The following USPL1 variants were observed in gnomAD, a reference collection of about 807,000 sequenced individuals.
USPL1 encodes the protein SUMO-specific isopeptidase USPL1.
A neutral mutation model predicts 51.5 loss-of-function variants in USPL1; 27 were observed. That is an observed-to-expected ratio of 0.52 (90% CI 0.39 to 0.72). USPL1 has a LOEUF of 0.72. USPL1 is among the 30% of genes least tolerant of loss of function. USPL1 has a pLI of 0.00. For missense variants in USPL1, 1,226 were observed against 1,268.0 expected, an observed-to-expected ratio of 0.97 and a Z score of 0.50; for synonymous variants, 451 against 459.6, an observed-to-expected ratio of 0.98 and a Z score of 0.24.
chr13:30,622,042 G>A, intron 3 of USPL1, 150 bp downstream of exon 3: 1 of 513,420 alleles, frequency 1.9e-6, no homozygotes, highest in Non-Finnish European at 3.0e-6. Context: ...GGTATACAAT[G>A]TTATTTTTCC....
In USPL1 at chr13:30,625,398, A is replaced by G. The variant is rs543270148; in HGVS notation, c.228+3506A>G. On this transcript the variant is annotated intron_variant, in intron 3 of 8. Coordinates refer to ENST00000255304, the MANE Select transcript of USPL1 (RefSeq NM_005800.5). ...CCCAGGAGTTAGGTTTTTGGCTATTAAAGTTAGATGTACTACATAGATTTT... is the reference window on the plus strand; with the variant it reads ...CCCAGGAGTTAGGTTTTTGGCTATTGAAGTTAGATGTACTACATAGATTTT... Among the ~76,000 whole-genome samples the G allele has an allele frequency of 1.1e-4, 17 of 152,064 alleles. No homozygotes were observed. In the South Asian group the frequency reaches 3.3e-3, roughly 30 times the overall value.
chr13:30,621,447 T>TA (rs1184419001), intron 2 of USPL1, among the ~76,000 whole-genome samples: 8 of 152,188 alleles, frequency 5.3e-5, no homozygotes, highest in Non-Finnish European at 8.8e-5. Context: ...ATAGACCTTA[T>TA]GATTTACTGT....
At chr13:30,627,625 T>C (rs946770112) in intron 3 of USPL1, among the ~76,000 whole-genome samples, 4 of 152,020 alleles carry the variant, frequency 2.6e-5, no homozygotes, top group Non-Finnish European at 5.9e-5. Context: ...TCTTGACTAC[T>C]TGAGATTCAC....
chr13:30,636,409 A>C (rs1456174641), intron 4 of USPL1, among the ~76,000 whole-genome samples: 1 of 152,036 alleles, frequency 6.6e-6, no homozygotes, highest in Non-Finnish European at 1.5e-5. Context: ...TTCATATTAC[A>C]GGAGAATCCA....
At chr13:30,639,786 G>A (rs1273146107) in intron 5 of USPL1, among the ~76,000 whole-genome samples, 1 of 152,110 alleles carries the variant, frequency 6.6e-6, no homozygotes, top group Non-Finnish European at 1.5e-5. Flanking sequence ...GGCTTTCGTG[G>A]TGCATTTAGC....
At position 30,658,457 on chromosome 13, in the gene USPL1, A is replaced by G; in HGVS notation, c.2380A>G (p.Asn794Asp). The G allele has an allele frequency of 6.2e-7, 1 of 1,613,764 alleles. No individual in the cohort carries two copies. Among genetic ancestry groups the G allele is most frequent in the Non-Finnish European group, 8.5e-7 (1 of 1,180,026 alleles). ...TDLQPSVKGV[N>D]NFGGFKTKGI... The stretch of plus-strand genomic sequence containing the variant: ...TTTACAACCTTCAGTTAAAGGGGTA[A>G]ATAATTTTGGTGGCTTTAAAACTAA... The change falls in exon 9 of 9, where the codon AAT (asparagine) becomes GAT (aspartate). Residue 794 changes from asparagine to aspartate, a missense_variant. Coordinates refer to ENST00000255304, the MANE Select transcript of USPL1 (RefSeq NM_005800.5).
intron 3 of USPL1, among the ~76,000 whole-genome samples, chr13:30,627,132 A>G (rs1950727499): frequency 6.6e-6 from 1 of 152,018 alleles, no homozygotes; most frequent in African/African-American, 2.4e-5. Flanking sequence ...TTGGATTTTA[A>G]ATGATACTAG....
At chr13:30,649,486 C>G (rs748792512) in intron 7 of USPL1, among the ~76,000 whole-genome samples, 2 of 152,330 alleles carry the variant, frequency 1.3e-5, no homozygotes, top group Admixed American at 1.3e-4. Flanking sequence ...TCTAATGTCT[C>G]CCCATTGGGA....
At chr13:30,654,393 C>T (rs560144091) in intron 8 of USPL1, among the ~76,000 whole-genome samples, 1 of 150,590 alleles carries the variant, frequency 6.6e-6, no homozygotes, top group East Asian at 1.9e-4. Flanking sequence ...TCCTTCATTC[C>T]TTCTCTCTCT....
At chr13:30,624,959 AAC>A (rs1206488333) in intron 3 of USPL1, among the ~76,000 whole-genome samples, 1 of 152,180 alleles carries the variant, frequency 6.6e-6, no homozygotes, top group Non-Finnish European at 1.5e-5. Flanking sequence ...TACCTCCCTG[AAC>A]ACACACAGTT....
rs1465167481 is a variant in USPL1, at chr13:30,658,718, G to T, written c.2641G>T (p.Val881Leu). 4 of 1,614,206 alleles carry T rather than the reference G, an allele frequency of 2.5e-6. No individual in the cohort carries two copies. Among genetic ancestry groups the T allele is most frequent in the Non-Finnish European group, 3.4e-6 (4 of 1,180,042 alleles). The change falls in exon 9 of 9, where the codon GTG becomes TTG. Residue 881 changes from valine (V) to leucine (L), a missense_variant. Coordinates refer to ENST00000255304, the MANE Select transcript of USPL1 (RefSeq NM_005800.5). ...GISSANHEDL[V>L]EGQIHKLRLK... ...TTCTTCAGCAAACCATGAAGACTTG[G>T]TGGAAGGTCAGATTCATAAACTTCG...
intron 1 of USPL1, 66 bp from the exon 2 acceptor site, chr13:30,621,007 T>G: frequency 1.5e-6 from 1 of 686,012 alleles, no homozygotes; most frequent in Non-Finnish European, 2.4e-6. Context: ...TCTTATAAAA[T>G]AGCATGGTTC....
intron 1 of USPL1, among the ~76,000 whole-genome samples, chr13:30,619,687 A>G (rs1950623452): frequency 6.6e-6 from 1 of 152,232 alleles, no homozygotes; most frequent in South Asian, 2.1e-4. Flanking sequence ...AGAAGAAACT[A>G]ATTTTACAAG....
chr13:30,654,548 C>G (rs928755779), intron 8 of USPL1, among the ~76,000 whole-genome samples: 1 of 152,060 alleles, frequency 6.6e-6, no homozygotes, highest in African/African-American at 2.4e-5. Context: ...ACATTGTTTT[C>G]AAGGCTCCCC....
chr13:30,624,927 T>G (rs1187095486), intron 3 of USPL1, among the ~76,000 whole-genome samples: 1 of 152,204 alleles, frequency 6.6e-6, no homozygotes, highest in East Asian at 1.9e-4. Flanking sequence ...TTATTTTCCT[T>G]TAAAAACCTT....
chr13:30,649,038 C>T (rs1951054173), intron 7 of USPL1, among the ~76,000 whole-genome samples: 1 of 152,188 alleles, frequency 6.6e-6, no homozygotes, highest in South Asian at 2.1e-4. Context: ...ATTGGTTGCA[C>T]TGCAGCATAT....
intron 3 of USPL1, among the ~76,000 whole-genome samples, 200 bp from the exon 4 acceptor site, chr13:30,630,635 G>GA (rs1015846296): frequency 6.6e-6 from 1 of 151,986 alleles, no homozygotes; most frequent in African/African-American, 2.4e-5. Flanking sequence ...AAATTAACCT[G>GA]AAAAAAATTA....
Position 30,658,653 on chromosome 13 carries a change from G to A in USPL1, c.2576G>A (p.Cys859Tyr), listed in dbSNP as rs1317630271. The change falls in exon 9 of 9, where the codon TGT becomes TAT. Residue 859 changes from cysteine (C) to tyrosine (Y), a missense_variant. Cys to Tyr is a radical substitution (Grantham distance 194). Transcript: ENST00000255304. ...EVLEKSGSTS[C>Y]GAQLNHSSYG... is the part of the protein sequence containing the mutation. ...TTGGAAAAGTCTGGAAGCACCTCAT[G>A]TGGAGCTCAACTCAACCACAGTTCT... The A allele has an allele frequency of 4.3e-6, 7 of 1,614,092 alleles. No homozygotes were observed. Among genetic ancestry groups the A allele is most frequent in the South Asian group, 2.2e-5 (2 of 91,088 alleles).
intron 7 of USPL1, among the ~76,000 whole-genome samples, chr13:30,649,163 G>C (rs531274997): frequency 6.6e-6 from 1 of 152,156 alleles, no homozygotes; most frequent in Non-Finnish European, 1.5e-5. Context: ...GTTCCAGTGG[G>C]CCAATTTATG....
Sources: gnomAD v4.1 joint callset for allele counts (sites outside exome capture counted in the v4.1 genomes callset) on GRCh38, gnomAD v4.1.1 for gene constraint, MANE v1.5 for transcripts, NCBI Gene and HGNC (gene_info 2026-07-23, HGNC 2026-07-21) for gene names.